CEP112: variants seen among roughly 807,000 people sequenced by gnomAD.
CEP112 encodes the protein centrosomal protein 112.
CEP112 carries 127 observed loss-of-function variants against 153.0 expected under a neutral mutation model. That is an observed-to-expected ratio of 0.83 (90% confidence interval 0.72 to 0.96). The LOEUF (loss-of-function observed/expected upper bound fraction) is 0.96. CEP112 is among the 40% of genes least tolerant of loss of function. The pLI is 0.00. For missense variants in CEP112, 1,089 were observed against 1,101.2 expected (o/e 0.99, Z 0.16); for synonymous variants, 358 against 374.4 (o/e 0.96, Z 0.51).
intron 21 of CEP112, among the ~76,000 whole-genome samples, chr17:65,756,874 A>AG (rs2052316705): frequency 6.6e-6 from 1 of 152,084 alleles, no homozygotes; most frequent in African/African-American, 2.4e-5. Context: ...AGTTAAGGGG[A>AG]GGGCTATGTC....
chr17:66,069,798 G>A (rs527815896), intron 9 of CEP112, 117 bp downstream of exon 9: 3 of 602,256 alleles, frequency 5.0e-6, no homozygotes, highest in East Asian at 5.9e-5. Flanking sequence ...ATGTCATAAA[G>A]TACATAAATA....
At chr17:66,119,919 A>G (rs978068171) in intron 6 of CEP112, among the ~76,000 whole-genome samples, 1 of 152,138 alleles carries the variant, frequency 6.6e-6, no homozygotes, top group African/African-American at 2.4e-5. Context: ...TTTCACCATT[A>G]TAATAGGTGT....
chr17:65,807,229 G>A lies in CEP112; in HGVS notation c.2394+44575C>T, dbSNP rs111960816. ...AGGGAAATGATTTAGGGTATCAGGT[G>A]GAAGAAATTTCTAAGCAGCAAAGCA... is the stretch of plus-strand genomic sequence containing the variant. On this transcript the variant is annotated intron_variant, in intron 21 of 26. Coordinates refer to ENST00000535342, the MANE Select transcript of CEP112 (RefSeq NM_001199165.4). Among the ~76,000 whole-genome samples, 1,455 of 152,278 alleles carry A rather than the reference G, an allele frequency of 9.6e-3. 29 individuals are homozygous for A. The highest frequency in any genetic ancestry group is 0.033 in the African/African-American group (1,389 of 41,558).
intron 21 of CEP112, among the ~76,000 whole-genome samples, chr17:65,831,719 T>C (rs755517996): frequency 6.6e-6 from 1 of 151,856 alleles, no homozygotes; most frequent in Non-Finnish European, 1.5e-5. Context: ...AATACAATAA[T>C]AGAACTGAAA....
At chr17:66,157,156 C>G (rs1438879021) in intron 4 of CEP112, among the ~76,000 whole-genome samples, 2 of 152,296 alleles carry the variant, frequency 1.3e-5, no homozygotes, top group Admixed American at 1.3e-4. Context: ...CAAAGGGAAG[C>G]CCATCAGACT....
chr17:66,062,913 C>T, intron 11 of CEP112, 50 bp downstream of exon 11: 1 of 895,738 alleles, frequency 1.1e-6, no homozygotes, highest in African/African-American at 1.7e-5. Context: ...AAATATGTTA[C>T]TTGGAAGCAT....
At chr17:65,665,289 G>A (rs187169205) in intron 24 of CEP112, among the ~76,000 whole-genome samples, 53 of 152,300 alleles carry the variant, frequency 3.5e-4, no homozygotes, top group Admixed American at 3.3e-3. Context: ...CAGGACAGGA[G>A]GTACATTAAG....
rs9905420 is a variant in CEP112, at chr17:65,867,238, C to T, written c.2164-15204G>A. 2.7e-3 allele frequency among the ~76,000 whole-genome samples: 411 copies of T among 152,342 alleles called. 1 individual carries two copies. Among genetic ancestry groups the T allele is most frequent in the African/African-American group, 9.4e-3 (390 of 41,582 alleles). ...GCCCGCCCCACCGCTGCTGGCATGC[C>T]GGCCTGTGCACAGCAGCTGGACCCC... On this transcript the variant is annotated intron_variant, in intron 20 of 26. Coordinates refer to ENST00000535342, the MANE Select transcript of CEP112 (RefSeq NM_001199165.4).
chr17:66,162,198 G>A (rs1283509168), intron 4 of CEP112, among the ~76,000 whole-genome samples: 1 of 152,022 alleles, frequency 6.6e-6, no homozygotes, highest in Non-Finnish European at 1.5e-5. Context: ...CTTCACATAA[G>A]AGGATATCCA....
Position 65,851,902 on chromosome 17 carries a change from G to T in CEP112, c.2296C>A (p.His766Asn). The change falls in exon 21 of 27, where the codon CAT becomes AAT. Residue 766 changes from histidine (H) to asparagine (N), a missense_variant. Transcript: ENST00000535342. Reference protein sequence around the residue: ...EEEKQRATREHEIVVNKLKAE... With the variant: ...EEEKQRATRENEIVVNKLKAE... The stretch of plus-strand genomic sequence containing the variant: ...TTCAGTTTATTGACGACAATCTCAT[G>T]TTCCCTTGTAGCCCTTTGCTTTTCC... The T allele has an allele frequency of 6.2e-7, 1 of 1,614,072 alleles. No individual in the cohort carries two copies. The highest frequency in any genetic ancestry group is 8.5e-7 in the Non-Finnish European group (1 of 1,179,990).
rs961331259 is a variant in CEP112, at chr17:66,027,456, C to A, written c.1656+45G>T. On this transcript the variant is annotated intron_variant, in intron 16 of 26. Coordinates refer to ENST00000535342, the MANE Select transcript of CEP112 (RefSeq NM_001199165.4). ...TAAAAATCAGTCTGCATTAATGCCT[C>A]ATTTGCTATTTTAAATATTTTATAG... 3.8e-6 allele frequency: 5 copies of A among 1,313,770 alleles called. No homozygotes were observed. In the African/African-American group the frequency reaches 7.7e-5, roughly 20 times the overall value. The allele number at this position is 1,313,770 out of a possible 1,614,324, so 81.4% of individuals were successfully genotyped here.
intron 20 of CEP112, among the ~76,000 whole-genome samples, chr17:65,860,477 T>C (rs1476755075): frequency 2.0e-5 from 3 of 152,194 alleles, no homozygotes; most frequent in Non-Finnish European, 4.4e-5. Context: ...GGCGGTGTGA[T>C]ATTCCCTACA....
At chr17:65,676,566 A>G (rs2047242991) in intron 24 of CEP112, among the ~76,000 whole-genome samples, 1 of 152,224 alleles carries the variant, frequency 6.6e-6, no homozygotes, top group Admixed American at 6.5e-5. Context: ...AGAACCTACC[A>G]CTGAAATGTA....
chr17:65,806,089 C>T (rs1414576502), intron 21 of CEP112, among the ~76,000 whole-genome samples: 1 of 152,162 alleles, frequency 6.6e-6, no homozygotes, highest in South Asian at 2.1e-4. Flanking sequence ...TTATTCTTGA[C>T]AGAATCTTTC....
intron 21 of CEP112, among the ~76,000 whole-genome samples, chr17:65,754,722 C>T (rs1236703062): frequency 6.6e-6 from 1 of 152,230 alleles, no homozygotes; most frequent in Non-Finnish European, 1.5e-5. Flanking sequence ...CAACACAGGG[C>T]TGTGAGAGAA....
intron 6 of CEP112, 122 bp downstream of exon 6, chr17:66,129,624 C>T: frequency 1.6e-6 from 1 of 642,182 alleles, no homozygotes. Flanking sequence ...CTCAAGGCCA[C>T]ACAGTAACAT....
intron 6 of CEP112, among the ~76,000 whole-genome samples, chr17:66,101,442 A>G (rs1352611118): frequency 6.6e-6 from 1 of 152,094 alleles, no homozygotes; most frequent in African/African-American, 2.4e-5. Context: ...GATAATCAAG[A>G]GGGAAAAAAA....
chr17:65,868,580 T>A (rs1311707982), intron 20 of CEP112, among the ~76,000 whole-genome samples: 1 of 151,618 alleles, frequency 6.6e-6, no homozygotes, highest in Admixed American at 6.6e-5. Context: ...TGTTTTGAAA[T>A]TGAATATGCA....
chr17:65,831,473 T>C (rs1202727554), intron 21 of CEP112, among the ~76,000 whole-genome samples: 1 of 150,130 alleles, frequency 6.7e-6, no homozygotes, highest in Non-Finnish European at 1.5e-5. Context: ...AGGAGAATGG[T>C]CAGAACCCAG....
Sources: gnomAD v4.1 joint callset for allele counts (sites outside exome capture counted in the v4.1 genomes callset) on GRCh38, gnomAD v4.1.1 for gene constraint, MANE v1.5 for transcripts, NCBI Gene and HGNC (gene_info 2026-07-23, HGNC 2026-07-21) for gene names.